The following MSI2 variants were observed in gnomAD, a reference collection of about 807,000 sequenced individuals.
MSI2 encodes musashi RNA binding protein 2, also known as RNA-binding protein Musashi homolog 2.
In MSI2, 17 loss-of-function variants were observed where a neutral mutation model predicts 45.6. The ratio of observed to expected loss-of-function variants is 0.37; its 90% CI spans 0.26 to 0.56. The LOEUF is 0.56. MSI2 is among the 20% of genes least tolerant of loss of function. The pLI, the probability that MSI2 is intolerant of heterozygous loss-of-function variation, is 0.77. For missense variants in MSI2, 293 were observed against 444.2 expected (o/e 0.66, Z 3.06); for synonymous variants, 156 against 158.2 (o/e 0.99, Z 0.11).
chr17:57,538,139 G>T (rs897911634), intron 7 of MSI2, among the ~76,000 whole-genome samples: 3 of 152,066 alleles, frequency 2.0e-5, no homozygotes, highest in African/African-American at 7.2e-5. Context: ...TGAGGGCAGA[G>T]TGTGGAGATC....
intron 5 of MSI2, among the ~76,000 whole-genome samples, chr17:57,386,792 C>A (rs1004440790): frequency 6.6e-6 from 1 of 152,198 alleles, no homozygotes; most frequent in Non-Finnish European, 1.5e-5. Flanking sequence ...GAGTCCCTAG[C>A]CCAGTACCTT....
intron 5 of MSI2, among the ~76,000 whole-genome samples, chr17:57,326,052 T>C (rs954833164): frequency 6.6e-6 from 1 of 152,134 alleles, no homozygotes; most frequent in Non-Finnish European, 1.5e-5. Context: ...AGCGGCAGCT[T>C]AAACCGTGCC....
At chr17:57,570,233 C>T (rs754835240) in intron 7 of MSI2, among the ~76,000 whole-genome samples, 2 of 152,152 alleles carry the variant, frequency 1.3e-5, no homozygotes, top group Non-Finnish European at 2.9e-5. Context: ...ACTCCCAGGC[C>T]CCACCTCAGA....
At position 57,599,848 on chromosome 17, in the gene MSI2, G is replaced by A. The variant is rs916610378; in HGVS notation, c.537+2898G>A. Among the ~76,000 whole-genome samples the A allele has an allele frequency of 2.6e-5, 4 of 152,278 alleles. No individual in the cohort carries two copies. In the East Asian group the frequency reaches 7.7e-4, roughly 29 times the overall value. On this transcript the variant is annotated intron_variant, in intron 8 of 13. Transcript: ENST00000284073. ...GCTGGTAATGATACTGCCTCATTGGGTTGTTAGAGACTGGGTGACATACCA... is the reference window on the plus strand; with the variant it reads ...GCTGGTAATGATACTGCCTCATTGGATTGTTAGAGACTGGGTGACATACCA...
intron 5 of MSI2, among the ~76,000 whole-genome samples, chr17:57,327,158 A>T (rs1039310836): frequency 6.6e-6 from 1 of 152,208 alleles, no homozygotes; most frequent in African/African-American, 2.4e-5. Context: ...ACCGTAATCC[A>T]AGCAACTTGG....
chr17:57,476,177 T>G (rs1451880037), intron 6 of MSI2, among the ~76,000 whole-genome samples: 1 of 152,218 alleles, frequency 6.6e-6, no homozygotes, highest in Non-Finnish European at 1.5e-5. Context: ...TATAGGGCTA[T>G]CCAAGCTGAT....
intron 5 of MSI2, among the ~76,000 whole-genome samples, chr17:57,374,887 A>T (rs1369697385): frequency 6.6e-6 from 1 of 152,228 alleles, no homozygotes; most frequent in Non-Finnish European, 1.5e-5. Context: ...GCAAGATGGC[A>T]GCCAGAGCAC....
intron 5 of MSI2, among the ~76,000 whole-genome samples, chr17:57,294,385 G>C (rs1004203594): frequency 4.6e-5 from 7 of 152,172 alleles, no homozygotes; most frequent in African/African-American, 1.7e-4. Flanking sequence ...TGAACGAGAT[G>C]TGGCAAAAGC....
intron 6 of MSI2, among the ~76,000 whole-genome samples, chr17:57,495,579 C>G (rs1402898706): frequency 6.7e-6 from 1 of 148,576 alleles, no homozygotes; most frequent in Non-Finnish European, 1.5e-5. Context: ...TTCTCTATAT[C>G]CCCTGAACAT....
intron 6 of MSI2, among the ~76,000 whole-genome samples, chr17:57,445,802 CG>C (rs1282698613): frequency 6.6e-6 from 1 of 152,128 alleles, no homozygotes; most frequent in Admixed American, 6.5e-5. Flanking sequence ...AAGTGTGCCC[CG>C]TTCTATGTGC....
chr17:57,701,223 C>T, the MSI2 span, among the ~76,000 whole-genome samples: 1 of 152,174 alleles, frequency 6.6e-6, no homozygotes, highest in African/African-American at 2.4e-5. Flanking sequence ...ACATCTCCCC[C>T]ATTAGGTTGC....
intron 5 of MSI2, among the ~76,000 whole-genome samples, chr17:57,364,068 A>T (rs960694973): frequency 2.6e-5 from 4 of 152,130 alleles, no homozygotes; most frequent in African/African-American, 7.2e-5. Context: ...CCTGAAACCT[A>T]TGTTCTTGGT....
In MSI2 at chr17:57,315,528, T is replaced by C. The variant is rs147500999; in HGVS notation, c.312+53336T>C. Reference sequence around the variant, plus strand: ...GGAAATGGTACATTCTTATTTCCCATAGTACCAAAGGTTCTTGAAGGCTGG... The same window carrying C: ...GGAAATGGTACATTCTTATTTCCCACAGTACCAAAGGTTCTTGAAGGCTGG... On this transcript the variant is annotated intron_variant, in intron 5 of 13. Coordinates refer to ENST00000284073, the MANE Select transcript of MSI2 (RefSeq NM_138962.4). Among the ~76,000 whole-genome samples, 730 of 152,250 alleles carry C rather than the reference T, an allele frequency of 4.8e-3. 5 individuals carry two copies. Among genetic ancestry groups the C allele is most frequent in the Non-Finnish European group, 7.2e-3 (490 of 68,020 alleles).
At chr17:57,419,185 C>CTTTT (rs1241938482) in intron 6 of MSI2, among the ~76,000 whole-genome samples, 1 of 136,356 alleles carries the variant, frequency 7.3e-6, no homozygotes. Flanking sequence ...TGGAGGTTTT[C>CTTTT]TTTTTTTTTT....
At chr17:57,473,003 C>T (rs2085469118) in intron 6 of MSI2, among the ~76,000 whole-genome samples, 2 of 151,748 alleles carry the variant, frequency 1.3e-5, no homozygotes, top group African/African-American at 4.8e-5. Flanking sequence ...AGTGATTCCC[C>T]TGCCTCAGCC....
intron 5 of MSI2, among the ~76,000 whole-genome samples, chr17:57,363,767 A>G (rs59863624): frequency 0.15 from 21,177 of 144,562 alleles, 3,186 homozygotes; most frequent in African/African-American, 0.39. Context: ...CAACAACAAC[A>G]ACAACAAACA....
intron 5 of MSI2, among the ~76,000 whole-genome samples, chr17:57,348,657 G>A (rs114948180): frequency 6.6e-6 from 1 of 152,034 alleles, no homozygotes; most frequent in Non-Finnish European, 1.5e-5. Context: ...CGAAGCCTTC[G>A]CTGGAAGCCG....
At chr17:57,417,668 T>A (rs1598243417) in intron 6 of MSI2, among the ~76,000 whole-genome samples, 1 of 152,192 alleles carries the variant, frequency 6.6e-6, no homozygotes, top group African/African-American at 2.4e-5. Flanking sequence ...GTCTCAGTTA[T>A]AATTCAGTCT....
intron 6 of MSI2, among the ~76,000 whole-genome samples, chr17:57,472,206 C>T (rs1217454413): frequency 2.6e-5 from 4 of 152,216 alleles, no homozygotes; most frequent in African/African-American, 9.7e-5. Flanking sequence ...TATCATCTCA[C>T]AAAAGAAGGC....
Sources: allele counts gnomAD v4.1 joint callset (sites outside exome capture counted in the v4.1 genomes callset), GRCh38; gene constraint gnomAD v4.1.1; transcripts MANE v1.5; gene names NCBI Gene and HGNC (gene_info 2026-07-23, HGNC 2026-07-21).